Variants in CAPN12 observed in about 807,000 individuals in gnomAD.
The protein encoded by CAPN12 is calpain 12, also known as calpain-12.
CAPN12 carries 107 observed loss-of-function variants against 95.0 expected under a neutral mutation model. That is an observed-to-expected ratio of 1.13 (90% CI 0.96 to 1.32). CAPN12 has a LOEUF of 1.32. CAPN12 is among the 40% of genes most tolerant of loss of function. CAPN12 has a pLI of 0.00. For missense variants in CAPN12, 1,136 were observed against 997.8 expected, an observed-to-expected ratio of 1.14 and a Z score of -1.87; for synonymous variants, 505 against 415.5, an observed-to-expected ratio of 1.22 and a Z score of -2.62.
rs1969575342 is a variant in CAPN12, at chr19:38,731,209, TGTTCAGGTG to T, written c.1963_1971del (p.His655_Asn657del). ...CTGGTGAGGGTCTGGGTCAGCTGGT[TGTTCAGGTG>T]GAAGCCTAGGGGGAGGCTGCTTCTG... On this transcript the variant is annotated inframe_deletion, in exon 19 of 21. Coordinates refer to ENST00000328867, the MANE Select transcript of CAPN12 (RefSeq NM_144691.4). The T allele has an allele frequency of 6.2e-7, 1 of 1,612,564 alleles. No individual in the cohort carries two copies. Among genetic ancestry groups the T allele is most frequent in the African/African-American group, 1.3e-5 (1 of 74,910 alleles).
intron 15 of CAPN12, chr19:38,734,611 A>C: frequency 1.5e-6 from 1 of 649,090 alleles, no homozygotes; most frequent in Non-Finnish European, 2.6e-6. Flanking sequence ...TTTCAGCGGA[A>C]GGGGAGCTTG....
At position 38,742,403 on chromosome 19, in the gene CAPN12, G is replaced by C; in HGVS notation, c.426+7C>G. 1 of 1,594,944 alleles carries C rather than the reference G, an allele frequency of 6.3e-7. No homozygotes were observed. Among genetic ancestry groups the C allele is most frequent in the Non-Finnish European group, 8.6e-7 (1 of 1,162,590 alleles). On this transcript the variant is annotated splice_region_variant and intron_variant, in intron 3 of 20. Transcript: ENST00000328867. ...ACGGAGGCATGGGCAGAGGAACTGA[G>C]CTGTACCTGGAAGTGGAAGACGCCT...
At chr19:38,735,270 G>T in intron 14 of CAPN12, 100 bp downstream of exon 14, 1 of 1,231,826 alleles carries the variant, frequency 8.1e-7, no homozygotes, top group Non-Finnish European at 1.1e-6. Context: ...GGAGGAAAAA[G>T]CAAGCAAAAT....
intron 8 of CAPN12, 22 bp downstream of exon 8, chr19:38,738,251 G>A (rs751444586): frequency 3.7e-6 from 6 of 1,611,596 alleles, no homozygotes; most frequent in Non-Finnish European, 5.1e-6. Context: ...CAGAGGCAGA[G>A]CTGGGACCCT....
intron 18 of CAPN12, chr19:38,731,690 G>T (rs946195313): frequency 5.5e-5 from 11 of 199,452 alleles, no homozygotes; most frequent in African/African-American, 2.5e-4. Context: ...CAAAACAATG[G>T]GTTCTTGACC....
In CAPN12 at chr19:38,735,520, T is replaced by C. The variant is rs1228961540; in HGVS notation, c.1608A>G (p.Ala536=). 5 of 1,610,730 alleles carry C rather than the reference T, an allele frequency of 3.1e-6. No homozygotes were observed. The highest frequency in any genetic ancestry group is 3.3e-5 in the Admixed American group (2 of 59,856). ...TAVEIDDVIS[A]DLQSLQGPYL... ...TCCCCACCTGGAGAGACTGCAGGTCTGCGCTGATCACGTCGTCGATCTCCC... is the reference window on the plus strand; with the variant it reads ...TCCCCACCTGGAGAGACTGCAGGTCCGCGCTGATCACGTCGTCGATCTCCC... Residue 536 remains alanine, a synonymous_variant, in exon 13 of 21, where the codon GCA becomes GCG. Transcript: ENST00000328867.
chr19:38,743,535 C>T (rs1299270342), intron 1 of CAPN12, among the ~76,000 whole-genome samples: 1 of 128,828 alleles, frequency 7.8e-6, no homozygotes, highest in African/African-American at 2.8e-5. Context: ...CTCCCTCAGA[C>T]CCAGGAGTCC....
chr19:38,731,800 A>C (rs1203797418), intron 18 of CAPN12, among the ~76,000 whole-genome samples: 1 of 152,214 alleles, frequency 6.6e-6, no homozygotes, highest in East Asian at 1.9e-4. Flanking sequence ...CTGCTTCCAA[A>C]GCCCATCTTC....
At position 38,740,057 on chromosome 19, in the gene CAPN12, A is replaced by T; in HGVS notation, c.723T>A (p.Thr241=). ...ALAKESLVGA[T]ALSDRGEYRT... ...GCGAGTCCAGGTCTCTTACCAGGGC[A>T]GTGGCGCCCACGAGGGACTCCTTGG... Residue 241 remains threonine, a synonymous_variant, in exon 5 of 21, where the codon ACT becomes ACA. Coordinates refer to ENST00000328867, the MANE Select transcript of CAPN12 (RefSeq NM_144691.4). The T allele has an allele frequency of 6.3e-7, 1 of 1,587,140 alleles. No homozygotes were observed. The highest frequency in any genetic ancestry group is 8.6e-7 in the Non-Finnish European group (1 of 1,165,598).
In CAPN12 at chr19:38,734,820, C is replaced by T. The variant is rs1261531475; in HGVS notation, c.1737G>A (p.Leu579=). ...SQLQALLSIA[L]EPARAHTSTP... is the part of the protein sequence containing the mutation. ...CTATCCCAGCCAACTCACCAGGCTC[C>T]AGGGCAATGCTTAGTAAGGCCTGGA... The change falls in exon 15 of 21, where the codon CTG becomes CTA. Residue 579 remains leucine, a synonymous_variant. Transcript: ENST00000328867. 8 of 1,612,494 alleles carry T rather than the reference C, an allele frequency of 5.0e-6. No individual in the cohort carries two copies. The Admixed American group carries it at 5.0e-5, about 10-fold the overall frequency.
chr19:38,742,604 G>C (rs1363661768), intron 2 of CAPN12, 76 bp from the exon 3 acceptor site: 3 of 1,041,456 alleles, frequency 2.9e-6, no homozygotes, highest in East Asian at 5.2e-5. Flanking sequence ...TCTAATCCCA[G>C]CACTTTGGGA....
chr19:38,741,497 T>G (rs1033356656), intron 4 of CAPN12, among the ~76,000 whole-genome samples: 1 of 150,360 alleles, frequency 6.7e-6, no homozygotes, highest in Non-Finnish European at 1.5e-5. Flanking sequence ...CGCTGGAACC[T>G]GGGAGGCAGA....
rs534285975 is a variant in CAPN12 at position 38,741,052 on chromosome 19, A to G, written c.560+725T>C. On this transcript the variant is annotated intron_variant, in intron 4 of 20. Transcript: ENST00000328867. ...AGAGCCTCAGAATGGGGAAAAGGCA[A>G]AGATTTGAGGGTCCCAGGGTGACCC... is the stretch of plus-strand genomic sequence containing the variant. Among the ~76,000 whole-genome samples, 6 of 152,222 alleles carry G rather than the reference A, an allele frequency of 3.9e-5. No individual in the cohort carries two copies. The East Asian group carries it at 1.2e-3, about 29-fold the overall frequency.
chr19:38,744,335 T>C lies in CAPN12; in HGVS notation c.-170A>G. On this transcript the variant is annotated 5_prime_UTR_variant, in exon 1 of 21. Transcript: ENST00000328867. ...CTGGGGAGCAGGGACGCCTCTTCAGTAGCTTTCTTCCCAGGGCGTGGGGCC... is the reference window on the plus strand; with the variant it reads ...CTGGGGAGCAGGGACGCCTCTTCAGCAGCTTTCTTCCCAGGGCGTGGGGCC... The C allele has an allele frequency of 1.5e-6, 1 of 659,946 alleles. No homozygotes were observed. 40.9% of individuals were successfully genotyped at this position (659,946 alleles called of 1,614,324 possible).
chr19:38,736,837 C>CTG, intron 10 of CAPN12: 2 of 589,344 alleles, frequency 3.4e-6, no homozygotes, highest in Non-Finnish European at 6.0e-6. Context: ...AACCTCGTCC[C>CTG]TCTGTCTGTC....
In CAPN12 at chr19:38,741,796, G is replaced by A. The variant is rs1198982078; in HGVS notation, c.541C>T (p.Leu181=). The change falls in exon 4 of 21, where the codon CTG becomes TTG. Residue 181 remains leucine, a synonymous_variant. Transcript: ENST00000328867. ...EQRNEFWAPL[L]EKAYAKLHGS... Reference sequence around the variant, plus strand: ...CCTCACTTGGCGTAGGCCTTCTCCAGGAGTGGGGCCCAGAACTCATTCCGC... The same window carrying A: ...CCTCACTTGGCGTAGGCCTTCTCCAAGAGTGGGGCCCAGAACTCATTCCGC... 1 of 1,614,076 alleles carries A rather than the reference G, an allele frequency of 6.2e-7. No homozygotes were observed. The highest frequency in any genetic ancestry group is 1.1e-5 in the South Asian group (1 of 91,084).
rs1339997532 is a variant in CAPN12 at position 38,744,325 on chromosome 19, G to A, written c.-160C>T. On this transcript the variant is annotated 5_prime_UTR_variant, in exon 1 of 21. Transcript: ENST00000328867. ...GTTTGGGGTGCTGGGGAGCAGGGACGCCTCTTCAGTAGCTTTCTTCCCAGG... is the reference window on the plus strand; with the variant it reads ...GTTTGGGGTGCTGGGGAGCAGGGACACCTCTTCAGTAGCTTTCTTCCCAGG... 1.4e-5 allele frequency: 10 copies of A among 695,124 alleles called. No homozygotes were observed. Among genetic ancestry groups the A allele is most frequent in the Middle Eastern group, 4.0e-4 (1 of 2,514 alleles). The allele number at this position is 695,124 out of a possible 1,614,324, so 43.1% of individuals were successfully genotyped here. A position where few individuals can be genotyped will look rare whatever the true frequency, so the allele number is the denominator to read the frequency against.
At chr19:38,742,053 C>T (rs1267902889) in intron 3 of CAPN12, 143 bp from the exon 4 acceptor site, 24 of 1,242,954 alleles carry the variant, frequency 1.9e-5, no homozygotes, top group Non-Finnish European at 2.4e-5. Context: ...TGGCCGGGTG[C>T]GGTGGCTCAC....
chr19:38,730,334 G>A lies in CAPN12; in HGVS notation c.*518C>T, dbSNP rs148628317. The stretch of plus-strand genomic sequence containing the variant: ...CCGGGCCCCTTGCTGATGCTCCTCC[G>A]GGTCTGCGTCGGGCGTGGGTCTCTG... On this transcript the variant is annotated 3_prime_UTR_variant, in exon 21 of 21. Transcript: ENST00000328867. 397 of 167,998 alleles carry A rather than the reference G, an allele frequency of 2.4e-3. 2 individuals carry two copies. Among genetic ancestry groups the A allele is most frequent in the Middle Eastern group, 9.5e-3 (3 of 316 alleles). The allele number at this position is 167,998 out of a possible 1,614,324, so 10.4% of individuals were successfully genotyped here.
Sources: gnomAD v4.1 joint callset for allele counts (sites outside exome capture counted in the v4.1 genomes callset) on GRCh38, gnomAD v4.1.1 for gene constraint, MANE v1.5 for transcripts, NCBI Gene and HGNC (gene_info 2026-07-23, HGNC 2026-07-21) for gene names.